Variants in RBFOX1 observed in about 807,000 individuals in gnomAD.
RBFOX1 encodes the protein RNA binding protein fox-1 homolog 1.
Under a neutral mutation model 57.7 loss-of-function variants are expected in RBFOX1, and 8 were observed. That is an observed-to-expected ratio of 0.14 (90% CI 0.08 to 0.25). The LOEUF is 0.25. Among genes scored for constraint, RBFOX1 ranks in the 10% least tolerant of loss-of-function variants. The pLI is 1.00. For synonymous variants in RBFOX1, 326 were observed against 222.4 expected (o/e 1.47, Z -4.15); for missense variants, 611 against 548.5 (o/e 1.11, Z -1.14).
At chr16:7,006,203 G>A (rs2093284691) in intron 3 of RBFOX1, among the ~76,000 whole-genome samples, 1 of 151,952 alleles carries the variant, frequency 6.6e-6, no homozygotes, top group Admixed American at 6.6e-5. Flanking sequence ...TTGCCAGGCT[G>A]GAGTGCAGTG....
rs1008208788 is a variant in RBFOX1, at chr16:7,120,761, C to A, written c.27+68663C>A. On this transcript the variant is annotated intron_variant, in intron 4 of 15. Coordinates refer to ENST00000550418, the MANE Select transcript of RBFOX1 (RefSeq NM_018723.4). Reference sequence around the variant, plus strand: ...GAAGTGGAAGATATACTTCTCAACTCAATTTATGAGTCTAACATTAATCTG... The same window carrying A: ...GAAGTGGAAGATATACTTCTCAACTAAATTTATGAGTCTAACATTAATCTG... 8.8e-5 allele frequency among the ~76,000 whole-genome samples: 13 copies of A among 147,748 alleles called. 1 individual carries two copies. The East Asian group carries it at 2.3e-3, about 27-fold the overall frequency.
At chr16:5,667,009 G>T (rs557049158) in intron 3 of RBFOX1, among the ~76,000 whole-genome samples, 1 of 152,210 alleles carries the variant, frequency 6.6e-6, no homozygotes, top group African/African-American at 2.4e-5. Context: ...CCCAAGGGCT[G>T]CTTCCGGAGT....
chr16:5,456,082 A>C (rs998950717), intron 1 of RBFOX1, among the ~76,000 whole-genome samples: 1 of 152,168 alleles, frequency 6.6e-6, no homozygotes, highest in African/African-American at 2.4e-5. Flanking sequence ...AAAGACAACT[A>C]ATGATAATAT....
rs2057361173 is a variant in RBFOX1 at position 7,610,969 on chromosome 16, G to GT, written c.676+3631_676+3632insT. Among the ~76,000 whole-genome samples the GT allele has an allele frequency of 3.3e-5, 4 of 119,676 alleles. No homozygotes were observed. In the South Asian group the frequency reaches 1.0e-3, roughly 30 times the overall value. The allele number at this position is 119,676 out of a possible 152,430, so 78.5% of individuals were successfully genotyped here. On this transcript the variant is annotated intron_variant, in intron 10 of 15. Transcript: ENST00000550418. ...GAGTGTGCCTCAAAGCTGAAATGAA[G>GT]ACCCCTTGTCATTGATTTGCTTTGT... is the stretch of plus-strand genomic sequence containing the variant.
chr16:6,519,854 T>G (rs2096464793), intron 2 of RBFOX1, among the ~76,000 whole-genome samples: 1 of 152,176 alleles, frequency 6.6e-6, no homozygotes, highest in Admixed American at 6.5e-5. Flanking sequence ...GTTAGCAAGA[T>G]GAAAGGACTT....
At chr16:7,322,507 C>G (rs1295794756) in intron 4 of RBFOX1, among the ~76,000 whole-genome samples, 1 of 152,224 alleles carries the variant, frequency 6.6e-6, no homozygotes, top group East Asian at 1.9e-4. Flanking sequence ...GCACATCTTG[C>G]TACCTACTTG....
intron 4 of RBFOX1, among the ~76,000 whole-genome samples, chr16:7,258,115 T>C (rs983740379): frequency 6.6e-6 from 1 of 152,200 alleles, no homozygotes; most frequent in Non-Finnish European, 1.5e-5. Context: ...CTTTTCATAA[T>C]TCACTGCTTC....
chr16:6,010,456 C>A (rs888139294), intron 4 of RBFOX1, among the ~76,000 whole-genome samples: 1 of 152,208 alleles, frequency 6.6e-6, no homozygotes, highest in African/African-American at 2.4e-5. Flanking sequence ...TGAGGACATT[C>A]TTTTTGTTGG....
At chr16:5,700,079 G>C (rs775406759) in intron 3 of RBFOX1, among the ~76,000 whole-genome samples, 3 of 152,116 alleles carry the variant, frequency 2.0e-5, no homozygotes, top group Admixed American at 2.0e-4. Context: ...TGATCTGCCC[G>C]CCTTGGCCTC....
At chr16:7,487,702 A>T (rs888305046) in intron 4 of RBFOX1, among the ~76,000 whole-genome samples, 1 of 152,054 alleles carries the variant, frequency 6.6e-6, no homozygotes, top group Non-Finnish European at 1.5e-5. Context: ...CATGCATTCA[A>T]ACCTCTCCAT....
intron 3 of RBFOX1, among the ~76,000 whole-genome samples, chr16:6,867,229 A>G (rs994879462): frequency 2.0e-5 from 3 of 152,108 alleles, no homozygotes; most frequent in African/African-American, 7.2e-5. Flanking sequence ...TGTAGGGGAA[A>G]AAAAAATACT....
chr16:5,993,156 G>T (rs1435424685), intron 4 of RBFOX1, among the ~76,000 whole-genome samples: 1 of 152,146 alleles, frequency 6.6e-6, no homozygotes, highest in Non-Finnish European at 1.5e-5. Context: ...GTGACCTTTT[G>T]TCTTCTGTCC....
At chr16:7,567,332 T>G in intron 5 of RBFOX1, among the ~76,000 whole-genome samples, 1 of 34,912 alleles carries the variant, frequency 2.9e-5, no homozygotes, top group Admixed American at 2.6e-4. Flanking sequence ...TCTCCCTATA[T>G]ATGGCCCTAT....
upstream of RBFOX1, among the ~76,000 whole-genome samples, chr16:6,014,903 T>C (rs910403894): frequency 5.9e-5 from 9 of 151,718 alleles, no homozygotes; most frequent in African/African-American, 1.7e-4. Context: ...TTGCCCAGGC[T>C]GGAGTACAGT....
intron 3 of RBFOX1, among the ~76,000 whole-genome samples, chr16:6,942,597 A>C (rs896677755): frequency 2.0e-5 from 3 of 152,160 alleles, no homozygotes; most frequent in African/African-American, 7.2e-5. Context: ...TGGGTGATCA[A>C]GACAGAGTGG....
At chr16:6,337,342 C>T (rs1197916330) in intron 2 of RBFOX1, among the ~76,000 whole-genome samples, 3 of 152,096 alleles carry the variant, frequency 2.0e-5, no homozygotes, top group East Asian at 1.9e-4. Context: ...TTCTTAGCAG[C>T]GAATATGGGG....
intron 1 of RBFOX1, among the ~76,000 whole-genome samples, chr16:6,075,487 A>G (rs1207974801): frequency 2.0e-5 from 3 of 152,234 alleles, no homozygotes; most frequent in Non-Finnish European, 4.4e-5. Context: ...ACTGCTTTAG[A>G]AAATATACTG....
At chr16:7,196,416 C>G (rs1273424136) in intron 4 of RBFOX1, among the ~76,000 whole-genome samples, 1 of 152,184 alleles carries the variant, frequency 6.6e-6, no homozygotes, top group East Asian at 1.9e-4. Flanking sequence ...AGCACAAAAT[C>G]AAGAAACATC....
At chr16:7,036,579 A>C (rs1038210180) in intron 3 of RBFOX1, among the ~76,000 whole-genome samples, 3 of 152,028 alleles carry the variant, frequency 2.0e-5, no homozygotes, top group Admixed American at 2.0e-4. Context: ...CATAATCCCA[A>C]CTATTCGGGA....
Sources: allele counts gnomAD v4.1 joint callset (sites outside exome capture counted in the v4.1 genomes callset), GRCh38; gene constraint gnomAD v4.1.1; transcripts MANE v1.5; gene names NCBI Gene and HGNC (gene_info 2026-07-23, HGNC 2026-07-21).